The following ST18 variants were observed in gnomAD, a reference collection of about 807,000 sequenced individuals.
ST18 encodes the protein ST18 C2H2C-type zinc finger transcription factor.
A neutral mutation model predicts 110.0 loss-of-function variants in ST18; 50 were observed. The ratio of observed to expected loss-of-function variants is 0.45; its 90% CI spans 0.36 to 0.58. The LOEUF (loss-of-function observed/expected upper bound fraction) is 0.58, where lower values mean the gene tolerates loss of function less well. Ranked by LOEUF, ST18 falls within the 20% of genes least tolerant of loss-of-function variation. The pLI is 0.00. For synonymous variants in ST18, 461 were observed against 452.4 expected (o/e 1.02, Z -0.24); for missense variants, 1,306 against 1,280.1 (o/e 1.02, Z -0.31).
At chr8:52,301,831 A>ATTTC (rs2095727728) in intron 2 of ST18, 1 of 151,942 alleles carries the variant, frequency 6.6e-6, no homozygotes, top group African/African-American at 2.4e-5. Flanking sequence ...TTTTTTCCTC[A>ATTTC]TTTCTTTCCT....
intron 8 of ST18, among the ~76,000 whole-genome samples, chr8:52,192,690 A>T (rs2074951158): frequency 6.6e-6 from 1 of 152,200 alleles, no homozygotes; most frequent in Non-Finnish European, 1.5e-5. Context: ...AAAAAGGTAC[A>T]GTTAGGAGGA....
intron 2 of ST18, among the ~76,000 whole-genome samples, chr8:52,397,617 T>G (rs1841590677): frequency 6.6e-6 from 1 of 152,192 alleles, no homozygotes; most frequent in South Asian, 2.1e-4. Flanking sequence ...TTATCCATTT[T>G]GAGATTTTTG....
At chr8:52,209,413 G>A (rs75829656) in intron 8 of ST18, among the ~76,000 whole-genome samples, 15,842 of 152,122 alleles carry the variant, frequency 0.1, 1,120 homozygotes, top group Middle Eastern at 0.21. Context: ...GCTATCGGGA[G>A]GATTAAGTGA....
chr8:52,340,574 T>C (rs922124256), intron 2 of ST18, among the ~76,000 whole-genome samples: 1 of 152,240 alleles, frequency 6.6e-6, no homozygotes, highest in Non-Finnish European at 1.5e-5. Context: ...CTGGGTATGA[T>C]TTCATTTGTA....
chr8:52,230,615 C>T (rs1349327864), intron 2 of ST18, among the ~76,000 whole-genome samples: 1 of 152,098 alleles, frequency 6.6e-6, no homozygotes, highest in Non-Finnish European at 1.5e-5. Flanking sequence ...AGTGACAGTC[C>T]CATTTACATA....
intron 2 of ST18, among the ~76,000 whole-genome samples, chr8:52,373,443 C>A (rs1010945518): frequency 2.6e-5 from 4 of 152,198 alleles, no homozygotes; most frequent in Admixed American, 6.5e-5. Context: ...CATGTGCAGG[C>A]GATGCTTCCC....
At chr8:52,224,645 T>C (rs572011314) in intron 3 of ST18, among the ~76,000 whole-genome samples, 1 of 152,280 alleles carries the variant, frequency 6.6e-6, no homozygotes, top group Admixed American at 6.5e-5. Context: ...GCAAAGTGGG[T>C]CAATGGTATC....
chr8:52,160,310 AT>A (rs907028721), intron 14 of ST18, among the ~76,000 whole-genome samples: 6 of 152,200 alleles, frequency 3.9e-5, no homozygotes, highest in African/African-American at 1.4e-4. Context: ...GTTGGAAGCT[AT>A]TTTTGGTAAG....
intron 8 of ST18, among the ~76,000 whole-genome samples, chr8:52,197,257 T>C (rs971580613): frequency 5.9e-5 from 9 of 152,224 alleles, no homozygotes; most frequent in African/African-American, 2.2e-4. Context: ...TAAGTTTATG[T>C]GAATTATCCA....
intron 25 of ST18, among the ~76,000 whole-genome samples, chr8:52,114,388 G>A (rs555698277): frequency 1.3e-5 from 2 of 152,180 alleles, no homozygotes; most frequent in African/African-American, 2.4e-5. Context: ...TGTCACAAGG[G>A]GAATGCTACT....
intron 2 of ST18, among the ~76,000 whole-genome samples, chr8:52,401,779 T>C (rs1314286346): frequency 6.6e-6 from 1 of 152,200 alleles, no homozygotes; most frequent in Admixed American, 6.5e-5. Flanking sequence ...TTAATTCCTT[T>C]TTAAGCAATT....
At chr8:52,312,192 C>G (rs1296055622) in intron 2 of ST18, among the ~76,000 whole-genome samples, 1 of 152,166 alleles carries the variant, frequency 6.6e-6, no homozygotes, top group Admixed American at 6.5e-5. Flanking sequence ...AGCCCTTATT[C>G]TATCTATATC....
chr8:52,139,305 T>C (rs955980198), intron 17 of ST18, among the ~76,000 whole-genome samples: 3 of 151,152 alleles, frequency 2.0e-5, no homozygotes, highest in Non-Finnish European at 4.4e-5. Flanking sequence ...CCATTTAGTG[T>C]TACAAACAGC....
chr8:52,327,681 C>A (rs1055186386), intron 2 of ST18, among the ~76,000 whole-genome samples: 3 of 152,180 alleles, frequency 2.0e-5, no homozygotes, highest in African/African-American at 7.2e-5. Context: ...AGCAGGGCTC[C>A]CTCTGCCAGT....
intron 8 of ST18, among the ~76,000 whole-genome samples, chr8:52,203,316 C>T (rs910197661): frequency 1.1e-4 from 17 of 152,094 alleles, no homozygotes; most frequent in Admixed American, 3.9e-4. Context: ...GAAACAGCCC[C>T]GGAACACAGG....
chr8:52,199,798 A>C (rs1484970087), intron 8 of ST18, among the ~76,000 whole-genome samples: 1 of 152,200 alleles, frequency 6.6e-6, no homozygotes, highest in Non-Finnish European at 1.5e-5. Context: ...CAAGCCAAGA[A>C]CCAGGCTTCT....
At chr8:52,349,385 A>G (rs1177967623) in intron 2 of ST18, among the ~76,000 whole-genome samples, 2 of 152,122 alleles carry the variant, frequency 1.3e-5, no homozygotes, top group Non-Finnish European at 2.9e-5. Context: ...CTCCCAGCTA[A>G]ACCTACTGCT....
chr8:52,353,762 A>T (rs1821424880), intron 2 of ST18, among the ~76,000 whole-genome samples: 1 of 152,262 alleles, frequency 6.6e-6, no homozygotes. Context: ...TAACTCACCT[A>T]GCATGGTGCC....
chr8:52,359,229 A>G (rs190541647), intron 2 of ST18, among the ~76,000 whole-genome samples: 55 of 152,204 alleles, frequency 3.6e-4, no homozygotes, highest in African/African-American at 1.3e-3. Context: ...AGAGAAGGGA[A>G]CTGCCTCCAC....
Sources: gnomAD v4.1 joint callset for allele counts (sites outside exome capture counted in the v4.1 genomes callset) on GRCh38, gnomAD v4.1.1 for gene constraint, MANE v1.5 for transcripts, NCBI Gene and HGNC (gene_info 2026-07-23, HGNC 2026-07-21) for gene names.